Variants in PEX5L observed in about 807,000 individuals in gnomAD.
PEX5L encodes the protein peroxisomal biogenesis factor 5 like.
PEX5L carries 30 observed loss-of-function variants against 84.0 expected under a neutral mutation model. The ratio of observed to expected loss-of-function variants is 0.36; its 90% CI spans 0.27 to 0.48. The LOEUF is 0.48. Ranked by LOEUF, PEX5L falls within the 20% of genes least tolerant of loss-of-function variation. The pLI, the probability that PEX5L is intolerant of heterozygous loss-of-function variation, is 0.99. For synonymous variants in PEX5L, 270 were observed against 283.1 expected (o/e 0.95, Z 0.46); for missense variants, 533 against 754.6 (o/e 0.71, Z 3.44).
intron 2 of PEX5L, among the ~76,000 whole-genome samples, chr3:179,904,317 A>G (rs1762403519): frequency 6.6e-6 from 1 of 152,244 alleles, no homozygotes; most frequent in Admixed American, 6.5e-5. Flanking sequence ...ATTCTATTAT[A>G]TAACTCCTGG....
chr3:179,875,522 G>C, intron 5 of PEX5L, 45 bp from the exon 6 acceptor site: 1 of 1,562,868 alleles, frequency 6.4e-7, no homozygotes, highest in Non-Finnish European at 8.8e-7. Context: ...GCGGCAGGGC[G>C]GGGTAGGGGG....
At chr3:179,956,627 T>C (rs1780628854) in intron 2 of PEX5L, among the ~76,000 whole-genome samples, 1 of 152,214 alleles carries the variant, frequency 6.6e-6, no homozygotes, top group Non-Finnish European at 1.5e-5. Flanking sequence ...TTTTCTCAGC[T>C]AACTTAAAAA....
At chr3:180,007,050 A>G (rs1223179765) in intron 1 of PEX5L, among the ~76,000 whole-genome samples, 1 of 152,220 alleles carries the variant, frequency 6.6e-6, no homozygotes, top group Non-Finnish European at 1.5e-5. Flanking sequence ...AAAAGTCCAC[A>G]GTCCAAAGTC....
At chr3:180,029,737 T>TG (rs11368914) in intron 1 of PEX5L, among the ~76,000 whole-genome samples, 59,720 of 152,014 alleles carry the variant, frequency 0.39, 15,111 homozygotes, top group African/African-American at 0.73. Context: ...TATAAATCAC[T>TG]GGTTCCTTCA....
chr3:180,034,708 G>T (rs1220062973), intron 1 of PEX5L, among the ~76,000 whole-genome samples: 3 of 152,076 alleles, frequency 2.0e-5, no homozygotes, highest in Non-Finnish European at 4.4e-5. Flanking sequence ...TGAAATTTTG[G>T]TGGATGTATT....
At chr3:180,013,703 T>C (rs1349435696) in intron 1 of PEX5L, among the ~76,000 whole-genome samples, 1 of 152,194 alleles carries the variant, frequency 6.6e-6, no homozygotes, top group Non-Finnish European at 1.5e-5. Context: ...CTATTGTAAT[T>C]ACTACTCAAA....
In PEX5L at chr3:179,973,113, TA is replaced by T. The variant is rs1210839774; in HGVS notation, c.22-1449del. On this transcript the variant is annotated intron_variant, in intron 1 of 14. Transcript: ENST00000467460. ...GATTTTGTCTAGAGTGTCTCTAATGTAAAACACTTAGAAGTGCCTTTCCAAA... is the reference window on the plus strand; with the variant it reads ...GATTTTGTCTAGAGTGTCTCTAATGTAAACACTTAGAAGTGCCTTTCCAAA... 2.6e-6 allele frequency: 3 copies of T among 1,146,284 alleles called. No individual in the cohort carries two copies. In the Admixed American group the frequency reaches 8.3e-5, roughly 32 times the overall value. The allele number at this position is 1,146,284 out of a possible 1,614,324, so 71.0% of individuals were successfully genotyped here.
At chr3:179,930,214 T>A (rs1772655500) in intron 2 of PEX5L, among the ~76,000 whole-genome samples, 1 of 151,144 alleles carries the variant, frequency 6.6e-6, no homozygotes, top group Non-Finnish European at 1.5e-5. Flanking sequence ...CACTAGGTCA[T>A]AAAACTGTTT....
At chr3:180,003,820 A>C (rs1049163873) in intron 1 of PEX5L, among the ~76,000 whole-genome samples, 3 of 152,218 alleles carry the variant, frequency 2.0e-5, no homozygotes, top group Non-Finnish European at 2.9e-5. Context: ...ATTAAAGAAT[A>C]AATAAATTTC....
chr3:179,972,778 AT>A (rs1383782229), intron 1 of PEX5L, among the ~76,000 whole-genome samples: 4 of 151,204 alleles, frequency 2.6e-5, no homozygotes, highest in African/African-American at 7.3e-5. Context: ...AGATTTACAC[AT>A]TTTTTTCCCG....
At chr3:179,946,556 A>G (rs1777603175) in intron 2 of PEX5L, among the ~76,000 whole-genome samples, 1 of 152,270 alleles carries the variant, frequency 6.6e-6, no homozygotes, top group South Asian at 2.1e-4. Context: ...GTGAGAAGAT[A>G]AAACAACCAA....
At chr3:179,974,266 G>C in intron 1 of PEX5L, 10 of 880,574 alleles carry the variant, frequency 1.1e-5, no homozygotes, top group Non-Finnish European at 1.4e-5. Context: ...AGTGTGAGGG[G>C]GCAGGGCTTC....
chr3:179,949,908 C>T (rs982428864), intron 2 of PEX5L, among the ~76,000 whole-genome samples: 1 of 152,190 alleles, frequency 6.6e-6, no homozygotes, highest in Non-Finnish European at 1.5e-5. Flanking sequence ...AGTCTGCACA[C>T]CTGGGTTCAA....
At chr3:180,000,236 A>G (rs1351405459) in intron 1 of PEX5L, among the ~76,000 whole-genome samples, 1 of 152,102 alleles carries the variant, frequency 6.6e-6, no homozygotes, top group Non-Finnish European at 1.5e-5. Flanking sequence ...AGCTCCTCCT[A>G]CCTTTAAGTC....
chr3:180,026,704 G>A (rs1790988410), intron 1 of PEX5L, among the ~76,000 whole-genome samples: 1 of 152,172 alleles, frequency 6.6e-6, no homozygotes, highest in African/African-American at 2.4e-5. Flanking sequence ...TCTAATGGCA[G>A]GTAGTACTAA....
chr3:179,862,208 T>C (rs565369832), intron 7 of PEX5L, among the ~76,000 whole-genome samples: 1 of 152,306 alleles, frequency 6.6e-6, no homozygotes, highest in Admixed American at 6.5e-5. Context: ...TTACTCTTAT[T>C]AGGTACATGT....
rs3774257 is a variant in PEX5L at position 179,971,577 on chromosome 3, C to T, written c.93+17G>A. The T allele has an allele frequency of 0.22, 360,024 of 1,600,198 alleles. 43,069 individuals are homozygous for T. Among genetic ancestry groups the T allele is most frequent in the East Asian group, 0.5 (22,192 of 44,354 alleles). ...ATACAGTAGAACAGTAGAAAATGTACGTAAGTATTCACTTACCTGCTTTTG... is the reference window on the plus strand; with the variant it reads ...ATACAGTAGAACAGTAGAAAATGTATGTAAGTATTCACTTACCTGCTTTTG... On this transcript the variant is annotated intron_variant, in intron 2 of 14. Transcript: ENST00000467460.
At chr3:180,008,183 T>C (rs1457701560) in intron 1 of PEX5L, among the ~76,000 whole-genome samples, 2 of 152,186 alleles carry the variant, frequency 1.3e-5, no homozygotes, top group Non-Finnish European at 2.9e-5. Flanking sequence ...CCAGATACCC[T>C]AAATCATCTT....
Position 180,007,342 on chromosome 3 carries a change from C to T in PEX5L, c.21+29237G>A, listed in dbSNP as rs562701059. On this transcript the variant is annotated intron_variant, in intron 1 of 14. Transcript: ENST00000467460. ...TTCCCGTGGTTTTGGGCAGCTCCAC[C>T]CCTGTGGCTTTGCAGGGTACAGCCT... Among the ~76,000 whole-genome samples the T allele has an allele frequency of 3.3e-5, 5 of 152,304 alleles. No homozygotes were observed. In the South Asian group the frequency reaches 6.2e-4, roughly 19 times the overall value.
Sources: allele counts gnomAD v4.1 joint callset (sites outside exome capture counted in the v4.1 genomes callset), GRCh38; gene constraint gnomAD v4.1.1; transcripts MANE v1.5; gene names NCBI Gene and HGNC (gene_info 2026-07-23, HGNC 2026-07-21).